Variants in RSU1 observed in about 807,000 individuals in gnomAD.
RSU1 encodes rsu-1.
Under a neutral mutation model 31.1 loss-of-function variants are expected in RSU1, and 26 were observed. The observed-to-expected ratio is 0.84, with a 90% CI of 0.61 to 1.16. RSU1 has a LOEUF of 1.16. Among genes scored for constraint, RSU1 ranks in the 50% most tolerant of loss-of-function variants. The pLI, the probability that RSU1 is intolerant of heterozygous loss-of-function variation, is 0.00. For missense variants in RSU1, 320 were observed against 339.1 expected (o/e 0.94, Z 0.44); for synonymous variants, 164 against 136.3 (o/e 1.20, Z -1.41).
chr10:16,734,776 G>A (rs1230973043), intron 7 of RSU1, among the ~76,000 whole-genome samples: 2 of 152,172 alleles, frequency 1.3e-5, no homozygotes, highest in African/African-American at 4.8e-5. Flanking sequence ...GGTGTTATGG[G>A]CTGAATTCCA....
intron 8 of RSU1, among the ~76,000 whole-genome samples, chr10:16,598,832 C>A (rs1260417225): frequency 6.6e-6 from 1 of 152,192 alleles, no homozygotes; most frequent in East Asian, 1.9e-4. Flanking sequence ...AGAGAACTAA[C>A]ATAGTAGGTG....
chr10:16,595,943 T>G (rs1424201320), intron 8 of RSU1, among the ~76,000 whole-genome samples: 1 of 151,892 alleles, frequency 6.6e-6, no homozygotes, highest in Non-Finnish European at 1.5e-5. Context: ...CACTCCAGCC[T>G]GGCAACAGAG....
intron 8 of RSU1, among the ~76,000 whole-genome samples, chr10:16,659,358 T>C (rs968786569): frequency 6.6e-6 from 1 of 150,864 alleles, no homozygotes; most frequent in African/African-American, 2.5e-5. Flanking sequence ...TCCTTTCCTT[T>C]AAAACCTTTC....
chr10:16,773,443 G>A (rs980912973), intron 3 of RSU1, among the ~76,000 whole-genome samples: 2 of 152,068 alleles, frequency 1.3e-5, no homozygotes, highest in Admixed American at 6.6e-5. Context: ...CCCGTTCTTC[G>A]ACTGGAAGGA....
At chr10:16,663,530 A>G (rs922870692) in intron 8 of RSU1, among the ~76,000 whole-genome samples, 1 of 152,178 alleles carries the variant, frequency 6.6e-6, no homozygotes, top group Non-Finnish European at 1.5e-5. Flanking sequence ...GCTCTGTGGA[A>G]CAAGCCCAGG....
At chr10:16,680,589 G>A (rs551323269) in intron 8 of RSU1, among the ~76,000 whole-genome samples, 8 of 152,216 alleles carry the variant, frequency 5.3e-5, no homozygotes, top group Non-Finnish European at 7.4e-5. Context: ...GGCATGTCAC[G>A]TGGCAAAAGC....
chr10:16,798,130 G>A (rs901993290), intron 2 of RSU1, among the ~76,000 whole-genome samples: 1 of 151,938 alleles, frequency 6.6e-6, no homozygotes, highest in Non-Finnish European at 1.5e-5. Context: ...CCAAAGTGCT[G>A]GGATTATAGG....
rs1833549142 is a variant in RSU1, at chr10:16,593,482, T to C, written c.746A>G (p.His249Arg). ...SETYKYLYGR[H>R]MQANPEPPKK... ...CGGTGGTTCTGGGTTGGCCTGCATG[T>C]GTCTGCCGTAGAGGCTGCAAAGACA... Residue 249 changes from histidine (H) to arginine (R), a missense_variant, in exon 9 of 9, where the codon CAC becomes CGC. Transcript: ENST00000345264. 2 of 1,613,948 alleles carry C rather than the reference T, an allele frequency of 1.2e-6. No individual in the cohort carries two copies.
intron 7 of RSU1, among the ~76,000 whole-genome samples, chr10:16,719,457 C>G (rs529123701): frequency 2.0e-5 from 3 of 152,272 alleles, no homozygotes; most frequent in African/African-American, 7.2e-5. Flanking sequence ...CTTCACCTAC[C>G]CAATACCCTC....
At chr10:16,672,075 G>T (rs1482624204) in intron 8 of RSU1, among the ~76,000 whole-genome samples, 1 of 149,318 alleles carries the variant, frequency 6.7e-6, no homozygotes, top group African/African-American at 2.5e-5. Flanking sequence ...GAGGCAGGCG[G>T]ATCATGAGGT....
chr10:16,786,550 T>TG (rs1015884306), intron 2 of RSU1, among the ~76,000 whole-genome samples: 3 of 151,608 alleles, frequency 2.0e-5, no homozygotes, highest in Admixed American at 6.6e-5. Context: ...TACTTTGGGG[T>TG]GGGGGGGAGT....
intron 2 of RSU1, among the ~76,000 whole-genome samples, chr10:16,784,105 A>G (rs993465789): frequency 1.3e-5 from 2 of 150,046 alleles, no homozygotes; most frequent in Non-Finnish European, 3.0e-5. Context: ...TTTTTTTAAC[A>G]TGACCTTGCT....
In RSU1 at chr10:16,814,451, G is replaced by GAA. The variant is rs369214166; in HGVS notation, c.109+2520_109+2521dup. Among the ~76,000 whole-genome samples, 924 of 121,034 alleles carry GAA rather than the reference G, an allele frequency of 7.6e-3. 8 individuals carry two copies. Among genetic ancestry groups the GAA allele is most frequent in the Middle Eastern group, 0.014 (3 of 222 alleles). 79.4% of individuals were successfully genotyped at this position (121,034 alleles called of 152,430 possible). A position where few individuals can be genotyped will look rare whatever the true frequency, so the allele number is the denominator to read the frequency against. ...TGACAGAGCGAGACCCTGTTTTCAG[G>GAA]AAAAAAAAAAAAAAAAAGAAAAAAA... On this transcript the variant is annotated intron_variant, in intron 2 of 8. Transcript: ENST00000345264.
At chr10:16,666,952 C>A (rs538634795) in intron 8 of RSU1, among the ~76,000 whole-genome samples, 2 of 151,866 alleles carry the variant, frequency 1.3e-5, no homozygotes, top group African/African-American at 4.8e-5. Context: ...GTTGAGATTA[C>A]GCTACTGCTG....
At chr10:16,743,697 T>C (rs1448811028) in intron 7 of RSU1, among the ~76,000 whole-genome samples, 3 of 152,166 alleles carry the variant, frequency 2.0e-5, no homozygotes, top group Non-Finnish European at 4.4e-5. Context: ...GTTAACAACA[T>C]AAAGCTGCCT....
intron 8 of RSU1, among the ~76,000 whole-genome samples, chr10:16,687,596 C>G (rs1049301381): frequency 2.0e-5 from 3 of 152,182 alleles, no homozygotes; most frequent in Non-Finnish European, 4.4e-5. Context: ...CTTACGTATT[C>G]TTCCTTACAT....
At chr10:16,705,397 C>T (rs1387711950) in intron 7 of RSU1, among the ~76,000 whole-genome samples, 7 of 152,034 alleles carry the variant, frequency 4.6e-5, no homozygotes, top group Non-Finnish European at 7.4e-5. Context: ...ATTTATAATA[C>T]AATGTAAATG....
At chr10:16,749,486 GATC>G (rs1836928615) in intron 7 of RSU1, among the ~76,000 whole-genome samples, 1 of 152,154 alleles carries the variant, frequency 6.6e-6, no homozygotes, top group Non-Finnish European at 1.5e-5. Context: ...TACAGCGAGA[GATC>G]ATCATCCACA....
intron 2 of RSU1, among the ~76,000 whole-genome samples, chr10:16,786,659 A>G (rs909136276): frequency 5.9e-5 from 9 of 151,892 alleles, no homozygotes; most frequent in African/African-American, 1.7e-4. Flanking sequence ...TAAACACCCT[A>G]CGTTCACCCC....
Sources: gnomAD v4.1 joint callset for allele counts (sites outside exome capture counted in the v4.1 genomes callset) on GRCh38, gnomAD v4.1.1 for gene constraint, MANE v1.5 for transcripts, NCBI Gene and HGNC (gene_info 2026-07-23, HGNC 2026-07-21) for gene names.